CHRM3: variants seen among roughly 807,000 people sequenced by gnomAD.
CHRM3 encodes the protein cholinergic receptor muscarinic 3, also known as muscarinic acetylcholine receptor M3.
Under a neutral mutation model 41.8 loss-of-function variants are expected in CHRM3, and 11 were observed. The observed-to-expected ratio is 0.26, with a 90% confidence interval of 0.17 to 0.44. The LOEUF is 0.44. Ranked by LOEUF, CHRM3 falls within the 20% of genes least tolerant of loss-of-function variation. The pLI, the probability that CHRM3 is intolerant of heterozygous loss-of-function variation, is 1.00. For missense variants in CHRM3, 571 were observed against 745.4 expected (o/e 0.77, Z 2.72); for synonymous variants, 297 against 301.4 (o/e 0.99, Z 0.15).
chr1:239,478,422 C>T (rs1467372820), intron 1 of CHRM3, among the ~76,000 whole-genome samples: 1 of 151,900 alleles, frequency 6.6e-6, no homozygotes, highest in African/African-American at 2.4e-5. Flanking sequence ...AGGAAACAGT[C>T]AATAGACACA....
chr1:239,497,392 C>T (rs1208896008), intron 2 of CHRM3, among the ~76,000 whole-genome samples: 3 of 152,156 alleles, frequency 2.0e-5, no homozygotes, highest in African/African-American at 4.8e-5. Context: ...CACTGAGCCC[C>T]ATACCACACT....
At chr1:239,456,083 G>A (rs927572482) in intron 1 of CHRM3, among the ~76,000 whole-genome samples, 2 of 152,334 alleles carry the variant, frequency 1.3e-5, no homozygotes, top group Admixed American at 1.3e-4. Context: ...GGGCAAGGAG[G>A]CATCTGATGC....
intron 2 of CHRM3, 105 bp downstream of exon 2, chr1:239,492,912 T>C (rs569047108): frequency 6.6e-6 from 1 of 152,266 alleles, no homozygotes; most frequent in South Asian, 2.1e-4. Flanking sequence ...TACTCTTCAT[T>C]TGTCCAAAAT....
At chr1:239,613,152 G>C (rs941090466) in intron 3 of CHRM3, among the ~76,000 whole-genome samples, 7 of 152,254 alleles carry the variant, frequency 4.6e-5, no homozygotes, top group African/African-American at 1.7e-4. Context: ...AGCACTTTTA[G>C]GAGGACCTAA....
At chr1:239,516,228 C>T (rs757363534) in intron 2 of CHRM3, among the ~76,000 whole-genome samples, 11 of 152,062 alleles carry the variant, frequency 7.2e-5, no homozygotes, top group Non-Finnish European at 1.6e-4. Context: ...GGGAGAACAT[C>T]GTAAGCAATT....
chr1:239,662,766 C>T (rs1052645833), intron 4 of CHRM3, among the ~76,000 whole-genome samples: 3 of 151,730 alleles, frequency 2.0e-5, no homozygotes, highest in Non-Finnish European at 2.9e-5. Flanking sequence ...CCTCCTCCTC[C>T]TCTACTTCTT....
At chr1:239,534,788 C>T (rs1658036982) in intron 2 of CHRM3, among the ~76,000 whole-genome samples, 1 of 152,146 alleles carries the variant, frequency 6.6e-6, no homozygotes, top group Non-Finnish European at 1.5e-5. Flanking sequence ...ACTTGGTTCA[C>T]ATAAGACCAT....
At chr1:239,734,239 A>G (rs1664212999) in intron 5 of CHRM3, among the ~76,000 whole-genome samples, 1 of 152,072 alleles carries the variant, frequency 6.6e-6, no homozygotes, top group East Asian at 1.9e-4. Context: ...CTGGGGCAGG[A>G]AATGTTCAGG....
chr1:239,739,047 G>A (rs1209913223), intron 5 of CHRM3, among the ~76,000 whole-genome samples: 1 of 152,184 alleles, frequency 6.6e-6, no homozygotes, highest in Admixed American at 6.5e-5. Context: ...ACTACAGGAA[G>A]CACCTAAGAA....
At chr1:239,495,379 A>C (rs1572497646) in intron 2 of CHRM3, among the ~76,000 whole-genome samples, 1 of 152,120 alleles carries the variant, frequency 6.6e-6, no homozygotes, top group East Asian at 1.9e-4. Context: ...TGCTTTATCT[A>C]TCTTCCCTCT....
intron 6 of CHRM3, among the ~76,000 whole-genome samples, chr1:239,887,952 A>G (rs1020937200): frequency 2.0e-5 from 3 of 152,212 alleles, no homozygotes; most frequent in African/African-American, 7.2e-5. Context: ...CTGATTTGTA[A>G]TATATTGAAA....
intron 6 of CHRM3, among the ~76,000 whole-genome samples, chr1:239,880,328 G>A (rs901298806): frequency 5.9e-5 from 9 of 152,204 alleles, no homozygotes; most frequent in Non-Finnish European, 1.0e-4. Flanking sequence ...TTGGAGGGTC[G>A]CTGGTCTCAG....
chr1:239,804,669 C>T (rs75593198), intron 5 of CHRM3, among the ~76,000 whole-genome samples: 3,641 of 152,260 alleles, frequency 0.024, 58 homozygotes, highest in Middle Eastern at 0.041. Flanking sequence ...CCATGGGGCA[C>T]GTGCAAGTTC....
intron 6 of CHRM3, among the ~76,000 whole-genome samples, chr1:239,845,277 T>C (rs979786459): frequency 2.6e-5 from 4 of 152,216 alleles, no homozygotes; most frequent in Non-Finnish European, 5.9e-5. Context: ...ATGAGCCAAA[T>C]TAGGATCTCA....
intron 3 of CHRM3, among the ~76,000 whole-genome samples, chr1:239,575,946 A>G (rs1352493087): frequency 1.3e-5 from 2 of 152,140 alleles, no homozygotes; most frequent in Non-Finnish European, 2.9e-5. Context: ...CCATTAAACA[A>G]TAACTCTCCA....
At chr1:239,639,938 A>G (rs1426821790) in intron 4 of CHRM3, among the ~76,000 whole-genome samples, 1 of 150,828 alleles carries the variant, frequency 6.6e-6, no homozygotes, top group African/African-American at 2.4e-5. Flanking sequence ...GATATGTCCC[A>G]TCAATACCTA....
chr1:239,516,950 A>G (rs1572569398), intron 2 of CHRM3, among the ~76,000 whole-genome samples: 1 of 151,960 alleles, frequency 6.6e-6, no homozygotes, highest in East Asian at 1.9e-4. Flanking sequence ...TGTCTCTCCC[A>G]TCACCCTAAG....
intron 5 of CHRM3, among the ~76,000 whole-genome samples, chr1:239,778,707 G>A (rs560064219): frequency 7.9e-5 from 12 of 152,270 alleles, no homozygotes; most frequent in African/African-American, 2.4e-4. Context: ...GTGTTTTCTC[G>A]ATAGCAGCTA....
At chr1:239,890,052 C>A (rs575193166) in intron 6 of CHRM3, among the ~76,000 whole-genome samples, 6 of 152,128 alleles carry the variant, frequency 3.9e-5, no homozygotes, top group Admixed American at 1.3e-4. Context: ...TGGTGGCTCA[C>A]GCCTGTAATC....
Sources: allele counts gnomAD v4.1 joint callset (sites outside exome capture counted in the v4.1 genomes callset), GRCh38; gene constraint gnomAD v4.1.1; transcripts MANE v1.5; gene names NCBI Gene and HGNC (gene_info 2026-07-23, HGNC 2026-07-21).